Variants in IQCJ observed in about 807,000 individuals in gnomAD.
IQCJ encodes IQ domain-containing protein J.
IQCJ carries 9 observed loss-of-function variants against 11.0 expected under a neutral mutation model. That is an observed-to-expected ratio of 0.82 (90% CI 0.49 to 1.43). The LOEUF is 1.43. Ranked by LOEUF, IQCJ falls within the 40% of genes most tolerant of loss-of-function variation. IQCJ has a pLI of 0.00. For synonymous variants in IQCJ, 55 were observed against 51.3 expected, an observed-to-expected ratio of 1.07 and a Z score of -0.31; for missense variants, 146 against 133.2, an observed-to-expected ratio of 1.10 and a Z score of -0.47.
At chr3:159,191,310 T>TGAG (rs1369645238) in intron 1 of IQCJ, among the ~76,000 whole-genome samples, 5 of 152,004 alleles carry the variant, frequency 3.3e-5, no homozygotes, top group African/African-American at 1.2e-4. Flanking sequence ...ATGATGAAGA[T>TGAG]GAGGAGGAGG....
chr3:159,260,682 A>G (rs1372038406), intron 3 of IQCJ, among the ~76,000 whole-genome samples: 1 of 152,248 alleles, frequency 6.6e-6, no homozygotes, highest in African/African-American at 2.4e-5. Context: ...TCTTTAAGCC[A>G]AAGAAAAACA....
intron 1 of IQCJ, among the ~76,000 whole-genome samples, chr3:159,200,155 T>C (rs5003762): frequency 0.21 from 28,384 of 134,766 alleles, 3,571 homozygotes; most frequent in African/African-American, 0.33. Flanking sequence ...ATTAAGTCCT[T>C]AATAAGTATA....
At chr3:159,103,129 T>G (rs1718032563) in intron 1 of IQCJ, among the ~76,000 whole-genome samples, 1 of 152,230 alleles carries the variant, frequency 6.6e-6, no homozygotes, top group African/African-American at 2.4e-5. Context: ...CTGATTCACA[T>G]CATGGAAAAT....
chr3:159,238,890 G>T (rs1291105767), intron 1 of IQCJ, among the ~76,000 whole-genome samples: 1 of 152,154 alleles, frequency 6.6e-6, no homozygotes, highest in Non-Finnish European at 1.5e-5. Flanking sequence ...GCTGGGCTTT[G>T]TCACACAGAC....
chr3:159,091,656 A>ACACACACGCG (rs1559981768), intron 1 of IQCJ, among the ~76,000 whole-genome samples: 1 of 59,582 alleles, frequency 1.7e-5, no homozygotes, highest in African/African-American at 5.0e-5. Context: ...TTACACACAC[A>ACACACACGCG]CACACACACA....
At chr3:159,147,667 A>G (rs866303870) in intron 1 of IQCJ, among the ~76,000 whole-genome samples, 2 of 152,346 alleles carry the variant, frequency 1.3e-5, no homozygotes, top group South Asian at 2.1e-4. Flanking sequence ...AAAATAATTA[A>G]TATTACAAAG....
intron 1 of IQCJ, among the ~76,000 whole-genome samples, chr3:159,201,511 C>CTGTGTGTGTGTGTG (rs59855853): frequency 6.7e-6 from 1 of 149,098 alleles, no homozygotes; most frequent in Non-Finnish European, 1.5e-5. Context: ...TTGTGTATCT[C>CTGTGTGTGTGTGTG]TGTGTGTGTG....
At chr3:159,237,488 C>T (rs942302514) in intron 1 of IQCJ, among the ~76,000 whole-genome samples, 4 of 152,154 alleles carry the variant, frequency 2.6e-5, no homozygotes, top group Non-Finnish European at 2.9e-5. Context: ...ATAGTTCACA[C>T]CCAAGTTACT....
chr3:159,118,922 C>T (rs1468105763), intron 1 of IQCJ, among the ~76,000 whole-genome samples: 2 of 152,204 alleles, frequency 1.3e-5, no homozygotes, highest in Non-Finnish European at 2.9e-5. Flanking sequence ...TTTCTTCTCA[C>T]TAACCACTCT....
chr3:159,153,859 C>A (rs151218924), intron 1 of IQCJ, among the ~76,000 whole-genome samples: 2 of 152,248 alleles, frequency 1.3e-5, no homozygotes, highest in South Asian at 4.1e-4. Flanking sequence ...GCTGTCACTG[C>A]GGAGCTGTCT....
intron 2 of IQCJ, among the ~76,000 whole-genome samples, chr3:159,248,420 G>GA (rs980308055): frequency 1.1e-4 from 17 of 152,236 alleles, no homozygotes; most frequent in African/African-American, 3.9e-4. Context: ...TAAAATAGTA[G>GA]AATTTCCCTC....
At chr3:159,182,397 T>C (rs1355515535) in intron 1 of IQCJ, among the ~76,000 whole-genome samples, 1 of 151,954 alleles carries the variant, frequency 6.6e-6, no homozygotes, top group Non-Finnish European at 1.5e-5. Context: ...TACTTGGTCC[T>C]TGGCAAGAAC....
At chr3:159,112,865 G>A (rs1291385626) in intron 1 of IQCJ, among the ~76,000 whole-genome samples, 3 of 152,152 alleles carry the variant, frequency 2.0e-5, no homozygotes, top group Non-Finnish European at 4.4e-5. Context: ...GGAAAGAAAT[G>A]GAAAGAGAAG....
intron 1 of IQCJ, among the ~76,000 whole-genome samples, chr3:159,179,709 T>C (rs904789017): frequency 1.3e-5 from 2 of 152,226 alleles, no homozygotes; most frequent in East Asian, 3.8e-4. Context: ...ATACGTACCA[T>C]TTATTAAGCA....
At chr3:159,245,212 C>T (rs902288812) in intron 1 of IQCJ, among the ~76,000 whole-genome samples, 3 of 152,084 alleles carry the variant, frequency 2.0e-5, no homozygotes, top group Non-Finnish European at 4.4e-5. Flanking sequence ...TGGCCAAATG[C>T]AGCATGCAGT....
chr3:159,235,663 C>T (rs1447330000), intron 1 of IQCJ, among the ~76,000 whole-genome samples: 1 of 152,136 alleles, frequency 6.6e-6, no homozygotes, highest in African/African-American at 2.4e-5. Context: ...CTGAAATTAT[C>T]TCAGATCCAA....
At chr3:159,248,217 C>A (rs1727385799) in intron 2 of IQCJ, among the ~76,000 whole-genome samples, 1 of 152,196 alleles carries the variant, frequency 6.6e-6, no homozygotes, top group South Asian at 2.1e-4. Flanking sequence ...CTGATACCTT[C>A]AATGCTGGCT....
chr3:159,109,677 G>C (rs887309042), intron 1 of IQCJ, among the ~76,000 whole-genome samples: 6 of 152,138 alleles, frequency 3.9e-5, no homozygotes, highest in African/African-American at 1.4e-4. Context: ...GTGTGTGTGT[G>C]TGTGTCCTGC....
At chr3:159,176,413 A>T (rs1337331700) in intron 1 of IQCJ, among the ~76,000 whole-genome samples, 1 of 152,168 alleles carries the variant, frequency 6.6e-6, no homozygotes, top group Non-Finnish European at 1.5e-5. Context: ...TTAAAACCCA[A>T]TATTTAATTA....
Sources: gnomAD v4.1 joint callset for allele counts (sites outside exome capture counted in the v4.1 genomes callset) on GRCh38, gnomAD v4.1.1 for gene constraint, MANE v1.5 for transcripts, NCBI Gene and HGNC (gene_info 2026-07-23, HGNC 2026-07-21) for gene names.